BID: variants seen among roughly 807,000 people sequenced by gnomAD.
BID encodes BH3-interacting domain death agonist.
Under a neutral mutation model 17.4 loss-of-function variants are expected in BID, and 19 were observed. The ratio of observed to expected loss-of-function variants is 1.09; its 90% CI spans 0.76 to 1.60. The LOEUF is 1.60. Ranked by LOEUF, BID falls within the 40% of genes most tolerant of loss-of-function variation. BID has a pLI of 0.00. For synonymous variants in BID, 108 were observed against 102.8 expected (o/e 1.05, Z -0.31); for missense variants, 226 against 256.0 (o/e 0.88, Z 0.80).
chr22:17,739,634 G>A lies in BID; in HGVS notation c.224-146C>T, dbSNP rs1026570082. On this transcript the variant is annotated intron_variant, in intron 3 of 5. Transcript: ENST00000622694. ...TGGGCACGTGCTCCACTCCACCAGG[G>A]CCACAGCGGGCGGGCTGAGTACCAG... The A allele has an allele frequency of 5.5e-6, 6 of 1,096,912 alleles. No individual in the cohort carries two copies. In the East Asian group the frequency reaches 1.6e-4, roughly 29 times the overall value. 67.9% of individuals were successfully genotyped at this position (1,096,912 alleles called of 1,614,324 possible).
intron 1 of BID, among the ~76,000 whole-genome samples, chr22:17,761,275 G>T (rs1052598912): frequency 5.9e-5 from 9 of 152,092 alleles, no homozygotes; most frequent in Admixed American, 4.6e-4. Context: ...AAACAAACCT[G>T]ATGTTTCACA....
At chr22:17,767,168 G>A (rs1170319641) in intron 1 of BID, among the ~76,000 whole-genome samples, 1 of 151,006 alleles carries the variant, frequency 6.6e-6, no homozygotes, top group African/African-American at 2.4e-5. Context: ...AGGTTGCAGT[G>A]AGCCGAGATC....
In BID at chr22:17,735,322, T is replaced by C; in HGVS notation, c.*258A>G. 1 of 470,252 alleles carries C rather than the reference T, an allele frequency of 2.1e-6. No individual in the cohort carries two copies. The highest frequency in any genetic ancestry group is 3.8e-6 in the Non-Finnish European group (1 of 265,042). The allele number at this position is 470,252 out of a possible 1,614,324, so 29.1% of individuals were successfully genotyped here. On this transcript the variant is annotated 3_prime_UTR_variant, in exon 6 of 6. Coordinates refer to ENST00000622694, the MANE Select transcript of BID (RefSeq NM_001196.4). ...AAGGCACCGTGTGTAGATTTACAGA[T>C]GTGCAGATTCATGTGTGGATGATAT...
Position 17,773,116 on chromosome 22 carries a change from G to C in BID, c.-59+1265C>G, listed in dbSNP as rs746967104. ...ACCCCAGCCACGAACTGCTGACCCC[G>C]CATTTCCTCTTCCCTCCCTGGGCAA... On this transcript the variant is annotated intron_variant, in intron 1 of 5. Coordinates refer to ENST00000622694, the MANE Select transcript of BID (RefSeq NM_001196.4). The surrounding 1 kb of genome is among the most constrained non-coding windows in gnomAD (Gnocchi z 4.4). Among the ~76,000 whole-genome samples the C allele has an allele frequency of 2.6e-5, 4 of 152,098 alleles. No individual in the cohort carries two copies. Among genetic ancestry groups the C allele is most frequent in the African/African-American group, 9.7e-5 (4 of 41,394 alleles).
chr22:17,739,720 GCA>G, intron 3 of BID: 1 of 598,614 alleles, frequency 1.7e-6, no homozygotes, highest in East Asian at 2.8e-5. Flanking sequence ...CCAGGCTCCC[GCA>G]CACAGGCACC....
At chr22:17,754,987 A>G (rs1004207379) in intron 1 of BID, among the ~76,000 whole-genome samples, 3 of 146,858 alleles carry the variant, frequency 2.0e-5, no homozygotes, top group Admixed American at 6.8e-5. Context: ...CTGGTCTTGA[A>G]CTCCTGACTT....
chr22:17,772,280 G>C (rs2061727257), intron 1 of BID, among the ~76,000 whole-genome samples: 1 of 152,268 alleles, frequency 6.6e-6, no homozygotes, highest in Non-Finnish European at 1.5e-5. Flanking sequence ...GGTCCGCCAG[G>C]TATGGCAGCC....
chr22:17,769,678 A>T lies in BID; in HGVS notation c.-59+4703T>A, dbSNP rs1448612860. Among the ~76,000 whole-genome samples, 1 of 152,206 alleles carries T rather than the reference A, an allele frequency of 6.6e-6. No individual in the cohort carries two copies. The highest frequency in any genetic ancestry group is 2.4e-5 in the African/African-American group (1 of 41,450). On this transcript the variant is annotated intron_variant, in intron 1 of 5. Coordinates refer to ENST00000622694, the MANE Select transcript of BID (RefSeq NM_001196.4). This position sits in a 1 kb window ranked among gnomAD's most constrained non-coding sequence, Gnocchi z 4.8. ...CATAGCATGCCTGCCTCAGTTCCGC[A>T]GCCAGGACGGTGCCTTACTGACTCC...
chr22:17,755,091 T>G (rs1471174254), intron 1 of BID, among the ~76,000 whole-genome samples: 2 of 144,826 alleles, frequency 1.4e-5, no homozygotes, highest in Non-Finnish European at 3.0e-5. Flanking sequence ...TCTTTTTTTT[T>G]TTTTTTTTTT....
chr22:17,744,121 A>T (rs2061479795), intron 2 of BID, 108 bp from the exon 3 acceptor site: 6 of 1,020,218 alleles, frequency 5.9e-6, no homozygotes, highest in Non-Finnish European at 8.9e-6. Flanking sequence ...GGTCCCAGAG[A>T]GCTGAGGGAC....
At chr22:17,750,420 C>A (rs1010839409) in intron 1 of BID, among the ~76,000 whole-genome samples, 1 of 152,254 alleles carries the variant, frequency 6.6e-6, no homozygotes, top group Non-Finnish European at 1.5e-5. Flanking sequence ...CCTCCCATGC[C>A]GCCCCAGGAA....
intron 1 of BID, among the ~76,000 whole-genome samples, chr22:17,771,415 G>C (rs998277381): frequency 2.0e-5 from 3 of 151,674 alleles, no homozygotes; most frequent in African/African-American, 7.3e-5. Context: ...TCCCCTTTAA[G>C]ACCCCACTTC....
intron 1 of BID, among the ~76,000 whole-genome samples, chr22:17,757,033 C>T (rs1273547277): frequency 6.6e-6 from 1 of 152,174 alleles, no homozygotes; most frequent in Non-Finnish European, 1.5e-5. Context: ...GCAGCTTCTC[C>T]CTGGCTATCT....
chr22:17,773,483 G>C lies in BID; in HGVS notation c.-59+898C>G. ...ACTGAGGGTGTGGATAAGGCTCCAG[G>C]AAGGGGGTGCAAGCCTGAGAAGGTG... On this transcript the variant is annotated intron_variant, in intron 1 of 5. Transcript: ENST00000622694. This position sits in a 1 kb window ranked among gnomAD's most constrained non-coding sequence, Gnocchi z 4.4. The C allele has an allele frequency of 1.1e-6, 1 of 950,868 alleles. No homozygotes were observed. The highest frequency in any genetic ancestry group is 2.6e-5 in the East Asian group (1 of 38,396). The allele number at this position is 950,868 out of a possible 1,614,324, so 58.9% of individuals were successfully genotyped here. A position where few individuals can be genotyped will look rare whatever the true frequency, so the allele number is the denominator to read the frequency against.
chr22:17,752,272 C>A (rs1275320798), intron 1 of BID, among the ~76,000 whole-genome samples: 1 of 152,206 alleles, frequency 6.6e-6, no homozygotes, highest in Non-Finnish European at 1.5e-5. Flanking sequence ...ATATCTGGAG[C>A]TGTCTGGAGA....
At chr22:17,766,282 C>CT (rs71201884) in intron 1 of BID, among the ~76,000 whole-genome samples, 2,971 of 135,102 alleles carry the variant, frequency 0.022, 43 homozygotes, top group Middle Eastern at 0.035. Context: ...TTCTTTCTTT[C>CT]TTTTTTTTTT....
At chr22:17,742,918 T>C (rs734297) in intron 3 of BID, among the ~76,000 whole-genome samples, 84,568 of 152,148 alleles carry the variant, frequency 0.56, 24,085 homozygotes, top group East Asian at 0.81. Flanking sequence ...GGAGTGGAGC[T>C]GGAGGCTGGA....
intron 1 of BID, among the ~76,000 whole-genome samples, chr22:17,766,561 G>A (rs957853595): frequency 1.3e-5 from 2 of 148,400 alleles, no homozygotes; most frequent in African/African-American, 5.0e-5. Context: ...GATTACAGGC[G>A]TGAGCCACTT....
intron 2 of BID, among the ~76,000 whole-genome samples, chr22:17,744,607 G>A (rs1045548239): frequency 4.6e-5 from 7 of 152,214 alleles, no homozygotes; most frequent in African/African-American, 1.4e-4. Context: ...TCCTTAATCC[G>A]AATCCCACAG....
Sources: allele counts gnomAD v4.1 joint callset (sites outside exome capture counted in the v4.1 genomes callset), GRCh38; gene constraint gnomAD v4.1.1; non-coding constraint Gnocchi (gnomAD v3.1); transcripts MANE v1.5; gene names NCBI Gene and HGNC (gene_info 2026-07-23, HGNC 2026-07-21).